The following FBXW7 variants were observed in gnomAD, a reference collection of about 807,000 sequenced individuals.
The protein encoded by FBXW7 is F-box/WD repeat-containing protein 7.
In FBXW7, 11 loss-of-function variants were observed where a neutral mutation model predicts 86.3. The observed-to-expected ratio is 0.13, with a 90% CI of 0.08 to 0.21. FBXW7 has a LOEUF of 0.21. Among genes scored for constraint, FBXW7 ranks in the 10% least tolerant of loss-of-function variants. FBXW7 has a pLI of 1.00. For synonymous variants in FBXW7, 313 were observed against 297.9 expected (o/e 1.05, Z -0.52); for missense variants, 488 against 847.4 (o/e 0.58, Z 5.27).
At chr4:152,452,614 T>C (rs774085765) in intron 2 of FBXW7, among the ~76,000 whole-genome samples, 30 of 152,158 alleles carry the variant, frequency 2.0e-4, no homozygotes, top group Admixed American at 8.5e-4. Flanking sequence ...AAATCTAGCT[T>C]ATAAATACAC....
At chr4:152,337,986 T>C (rs1423966144) in intron 6 of FBXW7, 50 bp from the exon 7 acceptor site, 1 of 1,553,592 alleles carries the variant, frequency 6.4e-7, no homozygotes, top group Admixed American at 1.9e-5. Flanking sequence ...TGTCCCAAAT[T>C]ACAGGCTTAT....
At chr4:152,359,319 G>C (rs919385226) in intron 4 of FBXW7, among the ~76,000 whole-genome samples, 25 of 152,150 alleles carry the variant, frequency 1.6e-4, no homozygotes, top group African/African-American at 4.8e-4. Context: ...TAAGAAATGA[G>C]GCTGGGTGTG....
intron 2 of FBXW7, among the ~76,000 whole-genome samples, chr4:152,471,822 C>T (rs898227199): frequency 6.6e-6 from 1 of 151,998 alleles, no homozygotes; most frequent in East Asian, 1.9e-4. Context: ...ACTGCTTGAG[C>T]CCAAGAGTTC....
chr4:152,421,231 C>A (rs376590169), intron 2 of FBXW7, among the ~76,000 whole-genome samples: 28 of 152,278 alleles, frequency 1.8e-4, no homozygotes, highest in East Asian at 1.7e-3. Context: ...CCCCTCTTAC[C>A]CTTCATAGAA....
intron 4 of FBXW7, among the ~76,000 whole-genome samples, chr4:152,370,610 T>C (rs1226179214): frequency 6.6e-6 from 1 of 151,968 alleles, no homozygotes; most frequent in Non-Finnish European, 1.5e-5. Context: ...GCAATGTTTT[T>C]AGCATTATCT....
chr4:152,423,201 G>A (rs891664981), intron 2 of FBXW7, among the ~76,000 whole-genome samples: 12 of 152,046 alleles, frequency 7.9e-5, no homozygotes, highest in African/African-American at 2.9e-4. Context: ...CACTGAAGGT[G>A]GCAAAATGGT....
At chr4:152,440,325 T>C (rs917765919) in intron 2 of FBXW7, among the ~76,000 whole-genome samples, 2 of 152,198 alleles carry the variant, frequency 1.3e-5, no homozygotes, top group South Asian at 2.1e-4. Flanking sequence ...TTATTTTCTT[T>C]ATGAAAATCT....
chr4:152,323,936 G>A (rs1728778845), intron 13 of FBXW7: 1 of 427,522 alleles, frequency 2.3e-6, no homozygotes, highest in Non-Finnish European at 4.2e-6. Context: ...TGTTCTTAAA[G>A]GTTAAGTAGA....
At chr4:152,452,445 C>G (rs573448514) in intron 2 of FBXW7, among the ~76,000 whole-genome samples, 6 of 152,234 alleles carry the variant, frequency 3.9e-5, no homozygotes, top group African/African-American at 1.4e-4. Context: ...GTATAAAATG[C>G]TTCTGAATTT....
rs376560872 is a variant in FBXW7 at position 152,411,851 on chromosome 4, A to T, written c.-48T>A. On this transcript the variant is annotated 5_prime_UTR_variant, in exon 4 of 14. Transcript: ENST00000281708. ...TCTTGGACCTTGGCTAGACTATCAG[A>T]AGATGCAAAGGTTTTCACATTCTGC... 6.6e-7 allele frequency: 1 copy of T among 1,523,586 alleles called. No individual in the cohort carries two copies. Among genetic ancestry groups the T allele is most frequent in the South Asian group, 1.3e-5 (1 of 79,294 alleles). 94.4% of individuals were successfully genotyped at this position (1,523,586 alleles called of 1,614,324 possible). A position where few individuals can be genotyped will look rare whatever the true frequency, so the allele number is the denominator to read the frequency against.
chr4:152,337,333 G>T (rs1405912862), intron 7 of FBXW7, among the ~76,000 whole-genome samples: 4 of 151,886 alleles, frequency 2.6e-5, no homozygotes, highest in Non-Finnish European at 4.4e-5. Flanking sequence ...ACAATGTTAA[G>T]TACCAGAGAA....
At chr4:152,523,028 G>A (rs928000792) in intron 2 of FBXW7, among the ~76,000 whole-genome samples, 1 of 152,194 alleles carries the variant, frequency 6.6e-6, no homozygotes, top group Non-Finnish European at 1.5e-5. Context: ...CTACCACCAA[G>A]TGACAATTGA....
chr4:152,378,600 C>T (rs1734774437), intron 4 of FBXW7, among the ~76,000 whole-genome samples: 1 of 152,162 alleles, frequency 6.6e-6, no homozygotes, highest in Admixed American at 6.5e-5. Flanking sequence ...AATAGTAACA[C>T]TGAAGAATAA....
At position 152,326,237 on chromosome 4, in the gene FBXW7, GA is replaced by G. The variant is rs778982804; in HGVS notation, c.1419-7del. The G allele has an allele frequency of 1.2e-6, 2 of 1,607,966 alleles. No individual in the cohort carries two copies. The highest frequency in any genetic ancestry group is 1.7e-6 in the Non-Finnish European group (2 of 1,176,038). ...CTCGAGAACCGCTAACAACTCTGCA[GA>G]GGGAGAAACAGAAAAACAAAACAAA... On this transcript the variant is annotated splice_region_variant and splice_polypyrimidine_tract_variant and intron_variant, in intron 11 of 13. Transcript: ENST00000281708.
At chr4:152,528,426 C>T (rs1749723193) in intron 2 of FBXW7, among the ~76,000 whole-genome samples, 2 of 152,194 alleles carry the variant, frequency 1.3e-5, no homozygotes, top group African/African-American at 2.4e-5. Context: ...CAGGATAATA[C>T]AAGACGAACA....
chr4:152,325,697 C>T, intron 12 of FBXW7: 1 of 252,768 alleles, frequency 4.0e-6, no homozygotes, highest in East Asian at 7.5e-5. Context: ...TTCTTAAAAT[C>T]CAGGTTACTC....
At chr4:152,427,994 C>T (rs1481183083) in intron 2 of FBXW7, among the ~76,000 whole-genome samples, 1 of 152,144 alleles carries the variant, frequency 6.6e-6, no homozygotes, top group Non-Finnish European at 1.5e-5. Context: ...TATTCCTGAC[C>T]TTTGAGAGGT....
intron 2 of FBXW7, among the ~76,000 whole-genome samples, chr4:152,422,037 A>T (rs574205512): frequency 6.6e-6 from 1 of 152,266 alleles, no homozygotes; most frequent in African/African-American, 2.4e-5. Flanking sequence ...GGAAAATGGC[A>T]CCAAGAGACT....
chr4:152,529,409 A>G (rs78231556), intron 2 of FBXW7, among the ~76,000 whole-genome samples: 5,709 of 152,294 alleles, frequency 0.037, 137 homozygotes, highest in Middle Eastern at 0.058. Context: ...TTAAGTAACA[A>G]TATGTAGAAA....
Sources: allele counts gnomAD v4.1 joint callset (sites outside exome capture counted in the v4.1 genomes callset), GRCh38; gene constraint gnomAD v4.1.1; transcripts MANE v1.5; gene names NCBI Gene and HGNC (gene_info 2026-07-23, HGNC 2026-07-21).